Variants in CSMD2 observed in about 807,000 individuals in gnomAD.
The protein encoded by CSMD2 is CUB and Sushi multiple domains 2.
Under a neutral mutation model 398.5 loss-of-function variants are expected in CSMD2, and 130 were observed. The observed-to-expected ratio is 0.33, with a 90% CI of 0.28 to 0.38. The LOEUF (loss-of-function observed/expected upper bound fraction) is 0.38, where lower values mean the gene tolerates loss of function less well. Among genes scored for constraint, CSMD2 ranks in the 10% least tolerant of loss-of-function variants. The pLI is 1.00. For missense variants in CSMD2, 3,829 were observed against 4,764.9 expected, an observed-to-expected ratio of 0.80 and a Z score of 5.78; for synonymous variants, 1,828 against 1,908.5, an observed-to-expected ratio of 0.96 and a Z score of 1.10.
intron 2 of CSMD2, among the ~76,000 whole-genome samples, chr1:34,039,025 C>T (rs1030868426): frequency 1.3e-5 from 2 of 152,154 alleles, no homozygotes; most frequent in African/African-American, 4.8e-5. Flanking sequence ...AACTCTTTCT[C>T]ATCATTCAAA....
At position 34,165,210 on chromosome 1, in the gene CSMD2, CT is replaced by C. The variant is rs1641775719; in HGVS notation, c.-114del. The C allele has an allele frequency of 8.6e-7, 1 of 1,166,188 alleles. No homozygotes were observed. The highest frequency in any genetic ancestry group is 1.1e-6 in the Non-Finnish European group (1 of 946,280). The allele number at this position is 1,166,188 out of a possible 1,614,324, so 72.2% of individuals were successfully genotyped here. On this transcript the variant is annotated 5_prime_UTR_variant, in exon 1 of 71. Coordinates refer to ENST00000373381, the MANE Select transcript of CSMD2 (RefSeq NM_001281956.2). ...GAAAAAATCCCGGTACGCGGGAGCCCTGAGCTTCTGCGGCTGGAATGAACCA... is the reference window on the plus strand; with the variant it reads ...GAAAAAATCCCGGTACGCGGGAGCCCGAGCTTCTGCGGCTGGAATGAACCA...
chr1:33,981,339 G>C (rs918722835), intron 3 of CSMD2, among the ~76,000 whole-genome samples: 16 of 152,194 alleles, frequency 1.1e-4, no homozygotes, highest in Non-Finnish European at 2.4e-4. Flanking sequence ...TCCACCCTCA[G>C]CTCTGTATAG....
chr1:33,615,705 A>G (rs1291793908), intron 39 of CSMD2, among the ~76,000 whole-genome samples: 1 of 152,242 alleles, frequency 6.6e-6, no homozygotes, highest in Non-Finnish European at 1.5e-5. Context: ...CGTTAAATGA[A>G]TGGTTTCCAT....
At chr1:33,747,082 C>T (rs1226903881) in intron 13 of CSMD2, among the ~76,000 whole-genome samples, 1 of 152,178 alleles carries the variant, frequency 6.6e-6, no homozygotes, top group Middle Eastern at 3.2e-3. Context: ...GGCCTCAAAA[C>T]ATGTCCTACT....
intron 25 of CSMD2, among the ~76,000 whole-genome samples, chr1:33,665,503 GGTTGCCCAGGTTGGAGTTCAGTGGT>G (rs1557696992): frequency 1.8e-5 from 2 of 112,036 alleles, no homozygotes; most frequent in African/African-American, 7.2e-5. Context: ...GGGCCTATCT[GGTTGCCCAGGTTGGAGTTCAGTGGT>G]GCAATCGTAA....
chr1:34,157,890 ACAT>A (rs1005626126), intron 1 of CSMD2, among the ~76,000 whole-genome samples: 1 of 152,086 alleles, frequency 6.6e-6, no homozygotes, highest in Non-Finnish European at 1.5e-5. Context: ...GCTAAAGTTC[ACAT>A]TTGTGGATGT....
intron 2 of CSMD2, among the ~76,000 whole-genome samples, chr1:34,088,693 C>G (rs1658204305): frequency 6.6e-6 from 1 of 152,090 alleles, no homozygotes; most frequent in Non-Finnish European, 1.5e-5. Flanking sequence ...AATAATACAC[C>G]CTGTGCATGA....
chr1:33,540,984 G>A (rs1656279096), intron 59 of CSMD2, 146 bp downstream of exon 59: 2 of 870,778 alleles, frequency 2.3e-6, no homozygotes, highest in South Asian at 1.7e-5. Context: ...GATGTTCAGG[G>A]GCCAGTTTTC....
chr1:33,699,018 G>T, intron 23 of CSMD2, 74 bp from the exon 24 acceptor site: 1 of 1,321,120 alleles, frequency 7.6e-7, no homozygotes. Flanking sequence ...TTCCCTCAAA[G>T]CCCACGTCCT....
intron 60 of CSMD2, among the ~76,000 whole-genome samples, chr1:33,540,284 T>C (rs1311988807): frequency 6.6e-6 from 1 of 151,658 alleles, no homozygotes; most frequent in African/African-American, 2.4e-5. Flanking sequence ...ACACCCCCAA[T>C]ATCTCTAGCT....
intron 49 of CSMD2, among the ~76,000 whole-genome samples, chr1:33,573,100 C>T (rs1262796464): frequency 6.6e-6 from 1 of 152,148 alleles, no homozygotes; most frequent in African/African-American, 2.4e-5. Flanking sequence ...GTTGGCATCC[C>T]AGAGGAAAGC....
At chr1:34,056,010 T>C (rs543588014) in intron 2 of CSMD2, among the ~76,000 whole-genome samples, 3 of 152,322 alleles carry the variant, frequency 2.0e-5, no homozygotes, top group South Asian at 4.1e-4. Flanking sequence ...CAGCCGTATG[T>C]CAGGACAAGA....
At position 33,540,690 on chromosome 1, in the gene CSMD2, A is replaced by C. The variant is rs1466998250; in HGVS notation, c.9466T>G (p.Cys3156Gly). The stretch of plus-strand genomic sequence containing the variant: ...TTGGGGATGAGCGGAGGTGGCTTGC[A>C]CATGAGAGCTGGAGGGAGACCAAAG... ...GTKPVCKALM[C>G]KPPPLIPNGK... is the part of the protein sequence containing the mutation. Residue 3156 changes from cysteine (C) to glycine (G), a missense_variant, in exon 60 of 71, where the codon TGC (cysteine) becomes GGC (glycine). By Grantham distance (159) the Cys-to-Gly change is radical. Coordinates refer to ENST00000373381, the MANE Select transcript of CSMD2 (RefSeq NM_001281956.2). The C allele has an allele frequency of 1.2e-6, 2 of 1,614,176 alleles. No homozygotes were observed. The highest frequency in any genetic ancestry group is 2.2e-5 in the East Asian group (1 of 44,880).
At chr1:33,723,124 G>A (rs571750949) in intron 19 of CSMD2, among the ~76,000 whole-genome samples, 1 of 152,270 alleles carries the variant, frequency 6.6e-6, no homozygotes, top group African/African-American at 2.4e-5. Context: ...GTCCACTCTT[G>A]TACTCATACC....
intron 5 of CSMD2, among the ~76,000 whole-genome samples, chr1:33,858,201 G>C (rs1639233651): frequency 6.6e-6 from 1 of 152,168 alleles, no homozygotes. Context: ...CAAGTCAGTT[G>C]ACCTCCTGGA....
intron 28 of CSMD2, among the ~76,000 whole-genome samples, chr1:33,650,007 GTCT>G (rs1290039103): frequency 6.6e-6 from 1 of 152,182 alleles, no homozygotes; most frequent in Non-Finnish European, 1.5e-5. Context: ...GGGTGACACG[GTCT>G]TCTTGCCCCT....
chr1:33,734,028 T>G (rs1344052230), intron 15 of CSMD2, among the ~76,000 whole-genome samples: 1 of 152,306 alleles, frequency 6.6e-6, no homozygotes, highest in East Asian at 1.9e-4. Context: ...ACATCTTTCT[T>G]GCAAGAGTGG....
chr1:34,144,524 G>C (rs770792467), intron 1 of CSMD2, among the ~76,000 whole-genome samples: 2 of 152,210 alleles, frequency 1.3e-5, no homozygotes, highest in African/African-American at 4.8e-5. Context: ...TGTGAGGGAA[G>C]CCTGAGGCTG....
chr1:33,751,124 A>G (rs1648177900), intron 13 of CSMD2, among the ~76,000 whole-genome samples: 1 of 152,186 alleles, frequency 6.6e-6, no homozygotes, highest in Non-Finnish European at 1.5e-5. Context: ...CAAAGAATAA[A>G]TAAAGTTGGT....
Sources: gnomAD v4.1 joint callset for allele counts (sites outside exome capture counted in the v4.1 genomes callset) on GRCh38, gnomAD v4.1.1 for gene constraint, MANE v1.5 for transcripts, NCBI Gene and HGNC (gene_info 2026-07-23, HGNC 2026-07-21) for gene names.